Variants in ENTREP2 observed in about 807,000 individuals in gnomAD.
The protein encoded by ENTREP2 is protein ENTREP2.
At chr15:29,469,049 G>A in the ENTREP2 span, among the ~76,000 whole-genome samples, 1 of 152,118 alleles carries the variant, frequency 6.6e-6, no homozygotes, top group Non-Finnish European at 1.5e-5. Flanking sequence ...AGCATCCGAG[G>A]TGGTTCCACC....
At chr15:29,636,460 C>T in the ENTREP2 span, among the ~76,000 whole-genome samples, 3 of 152,160 alleles carry the variant, frequency 2.0e-5, no homozygotes, top group Admixed American at 6.5e-5. Context: ...GCTTAGAGCC[C>T]AGTGCAGCTG....
At chr15:29,171,110 A>G in the ENTREP2 span, among the ~76,000 whole-genome samples, 2 of 152,118 alleles carry the variant, frequency 1.3e-5, no homozygotes, top group African/African-American at 2.4e-5. Context: ...CAATCCATAC[A>G]TGAGTGCTCC....
the ENTREP2 span, among the ~76,000 whole-genome samples, chr15:29,367,751 G>A: frequency 6.6e-6 from 1 of 152,216 alleles, no homozygotes; most frequent in South Asian, 2.1e-4. Flanking sequence ...CTGGCTCCAG[G>A]CATTTAAAGA....
At chr15:29,460,578 C>T in the ENTREP2 span, among the ~76,000 whole-genome samples, 3 of 152,114 alleles carry the variant, frequency 2.0e-5, no homozygotes, top group Non-Finnish European at 1.5e-5. Flanking sequence ...CTGCAGTGAC[C>T]CGAGATTGTG....
the ENTREP2 span, among the ~76,000 whole-genome samples, chr15:29,138,296 C>T: frequency 4.6e-5 from 7 of 152,114 alleles, no homozygotes; most frequent in South Asian, 2.1e-4. Flanking sequence ...CCTAGTTTTC[C>T]GTTTCTGAAG....
the ENTREP2 span, among the ~76,000 whole-genome samples, chr15:29,199,840 T>C: frequency 1.9e-4 from 29 of 152,350 alleles, no homozygotes; most frequent in Middle Eastern, 0.01. Context: ...TTTCTAAATG[T>C]TTTATAATTT....
chr15:29,566,954 T>G, the ENTREP2 span, among the ~76,000 whole-genome samples: 2 of 152,048 alleles, frequency 1.3e-5, no homozygotes, highest in East Asian at 3.9e-4. Flanking sequence ...TAGCTGTTTG[T>G]CCCTGAGTTC....
the ENTREP2 span, chr15:29,252,541 T>C: frequency 5.6e-6 from 5 of 897,926 alleles, no homozygotes; most frequent in Admixed American, 2.2e-5. Context: ...AAAAATGACA[T>C]GGCTTTACAA....
chr15:29,353,136 G>A, the ENTREP2 span, among the ~76,000 whole-genome samples: 3 of 149,412 alleles, frequency 2.0e-5, no homozygotes, highest in Admixed American at 6.6e-5. Flanking sequence ...AACACACAGC[G>A]GCATTTTTTT....
chr15:29,664,056 T>C, the ENTREP2 span, among the ~76,000 whole-genome samples: 1 of 150,892 alleles, frequency 6.6e-6, no homozygotes, highest in Non-Finnish European at 1.5e-5. Flanking sequence ...AGCATGGGGG[T>C]ATGAAGCCTC....
At chr15:29,407,541 G>T in the ENTREP2 span, among the ~76,000 whole-genome samples, 1 of 152,146 alleles carries the variant, frequency 6.6e-6, no homozygotes, top group Non-Finnish European at 1.5e-5. Flanking sequence ...AGGCGAAGGG[G>T]AGTCGAAGAC....
the ENTREP2 span, among the ~76,000 whole-genome samples, chr15:29,306,270 C>T: frequency 6.6e-6 from 1 of 152,156 alleles, no homozygotes; most frequent in Non-Finnish European, 1.5e-5. Flanking sequence ...GGAAAATCTC[C>T]TGAATTGGGC....
the ENTREP2 span, among the ~76,000 whole-genome samples, chr15:29,621,588 CAA>C: frequency 0.011 from 665 of 58,824 alleles, 4 homozygotes; most frequent in African/African-American, 0.027. Flanking sequence ...TGGCCACTAT[CAA>C]AAAAAAAAAA....
chr15:29,277,672 C>T, the ENTREP2 span, among the ~76,000 whole-genome samples: 1 of 152,158 alleles, frequency 6.6e-6, no homozygotes, highest in African/African-American at 2.4e-5. Context: ...TAACAGGCCA[C>T]GAACTGGTAC....
the ENTREP2 span, among the ~76,000 whole-genome samples, chr15:29,577,091 G>A: frequency 6.6e-6 from 1 of 151,690 alleles, no homozygotes; most frequent in Admixed American, 6.6e-5. Flanking sequence ...ACAGGTGTGA[G>A]CCACCAGACC....
At chr15:29,600,902 C>CCTTTT in the ENTREP2 span, among the ~76,000 whole-genome samples, 1 of 123,622 alleles carries the variant, frequency 8.1e-6, no homozygotes, top group African/African-American at 3.6e-5. Flanking sequence ...ATTTTTCTTT[C>CCTTTT]TTTTTTTTTT....
the ENTREP2 span, among the ~76,000 whole-genome samples, chr15:29,227,770 G>GT: frequency 1.3e-5 from 2 of 152,176 alleles, no homozygotes; most frequent in Non-Finnish European, 2.9e-5. Context: ...CTCTGCAGTG[G>GT]TAAGAGTTGA....
the ENTREP2 span, among the ~76,000 whole-genome samples, chr15:29,311,408 G>A: frequency 0.26 from 40,023 of 152,018 alleles, 5,530 homozygotes; most frequent in Non-Finnish European, 0.31. Context: ...GTATAATCTT[G>A]GCCAGATATG....
the ENTREP2 span, among the ~76,000 whole-genome samples, chr15:29,674,129 G>C: frequency 2.1e-5 from 1 of 47,910 alleles, no homozygotes; most frequent in Non-Finnish European, 4.0e-5. Context: ...TGCAGAGGAT[G>C]GGGGGGGGGG....
Sources: gnomAD v4.1 joint callset for allele counts (sites outside exome capture counted in the v4.1 genomes callset) on GRCh38, gnomAD v4.1.1 for gene constraint, MANE v1.5 for transcripts, NCBI Gene and HGNC (gene_info 2026-07-23, HGNC 2026-07-21) for gene names.